Variants in AUH observed in about 807,000 individuals in gnomAD.
AUH encodes the protein AU RNA binding methylglutaconyl-CoA hydratase.
AUH carries 29 observed loss-of-function variants against 42.3 expected under a neutral mutation model. The ratio of observed to expected loss-of-function variants is 0.69; its 90% CI spans 0.51 to 0.93. AUH has a LOEUF of 0.93. Among genes scored for constraint, AUH ranks in the 40% least tolerant of loss-of-function variants. The pLI is 0.00. For missense variants in AUH, 452 were observed against 438.1 expected, an observed-to-expected ratio of 1.03 and a Z score of -0.28; for synonymous variants, 174 against 166.4, an observed-to-expected ratio of 1.05 and a Z score of -0.35.
At chr9:91,275,737 A>C (rs184281842) in intron 6 of AUH, among the ~76,000 whole-genome samples, 1 of 152,222 alleles carries the variant, frequency 6.6e-6, no homozygotes, top group Admixed American at 6.5e-5. Flanking sequence ...TTTCTCTGCC[A>C]CTGAAATGCT....
At chr9:91,216,156 T>A (rs377504364) in intron 8 of AUH, 50 bp from the exon 9 acceptor site, 1 of 1,538,620 alleles carries the variant, frequency 6.5e-7, no homozygotes, top group Non-Finnish European at 9.0e-7. Flanking sequence ...TTGCGAAATG[T>A]GGTATATTCA....
intron 6 of AUH, among the ~76,000 whole-genome samples, chr9:91,267,066 A>AG (rs35068147): frequency 6.6e-6 from 1 of 152,178 alleles, no homozygotes; most frequent in African/African-American, 2.4e-5. Context: ...GATGGCAGAA[A>AG]GGGAAGTGTC....
intron 4 of AUH, chr9:91,306,287 T>G (rs1457819002): frequency 1.1e-6 from 1 of 875,678 alleles, no homozygotes; most frequent in African/African-American, 1.8e-5. Flanking sequence ...GGCAGGGAAG[T>G]CCATGCCCAT....
intron 8 of AUH, 93 bp downstream of exon 8, chr9:91,217,184 C>T: frequency 7.4e-7 from 1 of 1,355,134 alleles, no homozygotes; most frequent in Non-Finnish European, 1.0e-6. Flanking sequence ...TATTTTAGAA[C>T]TTTAAAAAAA....
intron 4 of AUH, among the ~76,000 whole-genome samples, chr9:91,298,811 T>C (rs1766443441): frequency 6.6e-6 from 1 of 152,232 alleles, no homozygotes; most frequent in African/African-American, 2.4e-5. Context: ...GTTCAAAAAG[T>C]GACTGGTTTT....
At chr9:91,300,757 C>T (rs1827722244) in intron 4 of AUH, among the ~76,000 whole-genome samples, 1 of 152,164 alleles carries the variant, frequency 6.6e-6, no homozygotes, top group South Asian at 2.1e-4. Flanking sequence ...TATTCTGTTC[C>T]AGCCCCAAAC....
chr9:91,361,585 C>T, intron 1 of AUH, 43 bp downstream of exon 1: 1 of 1,554,570 alleles, frequency 6.4e-7, no homozygotes, highest in Non-Finnish European at 8.7e-7. Flanking sequence ...TGAGAGCGAG[C>T]GGCCGCCCGC....
intron 6 of AUH, among the ~76,000 whole-genome samples, chr9:91,238,446 A>C (rs1431383171): frequency 1.3e-5 from 2 of 152,198 alleles, no homozygotes; most frequent in Non-Finnish European, 2.9e-5. Context: ...AGGCTGGGAA[A>C]TGTAGTTTCC....
intron 2 of AUH, 50 bp downstream of exon 2, chr9:91,356,038 C>T: frequency 1.3e-6 from 2 of 1,591,592 alleles, no homozygotes; most frequent in Non-Finnish European, 1.7e-6. Context: ...ACATTGATGA[C>T]AATAATATAT....
intron 6 of AUH, among the ~76,000 whole-genome samples, chr9:91,223,725 A>T (rs1165984617): frequency 4.6e-5 from 7 of 152,002 alleles, no homozygotes; most frequent in African/African-American, 1.4e-4. Flanking sequence ...ACCCTCACCA[A>T]CACTTACTAT....
At chr9:91,318,402 T>C (rs1402566598) in intron 4 of AUH, among the ~76,000 whole-genome samples, 1 of 152,220 alleles carries the variant, frequency 6.6e-6, no homozygotes, top group African/African-American at 2.4e-5. Context: ...CTTTTGTCTC[T>C]AAATACAGCC....
chr9:91,265,226 T>G (rs1829906564), intron 6 of AUH, among the ~76,000 whole-genome samples: 1 of 152,076 alleles, frequency 6.6e-6, no homozygotes, highest in Non-Finnish European at 1.5e-5. Context: ...CTAGCTTCAT[T>G]AAGTCAAATG....
chr9:91,338,229 C>T (rs1390326119), intron 3 of AUH, among the ~76,000 whole-genome samples: 1 of 152,216 alleles, frequency 6.6e-6, no homozygotes, highest in Non-Finnish European at 1.5e-5. Flanking sequence ...TGTCCAGCGT[C>T]TCAGCCCCTC....
chr9:91,328,188 C>T (rs1342183790), intron 3 of AUH, among the ~76,000 whole-genome samples: 3 of 152,200 alleles, frequency 2.0e-5, no homozygotes, highest in African/African-American at 4.8e-5. Context: ...GGGGACATCA[C>T]TCACTCCAGC....
chr9:91,249,967 G>C (rs997950546), intron 6 of AUH, among the ~76,000 whole-genome samples: 1 of 150,184 alleles, frequency 6.7e-6, no homozygotes, highest in African/African-American at 2.5e-5. Context: ...AGCTGAGATA[G>C]TGCCCCTGCA....
In AUH at chr9:91,218,501, T is replaced by C. The variant is rs76545876; in HGVS notation, c.844-1174A>G. The stretch of plus-strand genomic sequence containing the variant: ...CCCATCCTCCTTGTTAAAATGCAGA[T>C]GTGGACTCAGTGGGTCTGAGATGGG... On this transcript the variant is annotated intron_variant, in intron 7 of 9. Transcript: ENST00000375731. 683 of 490,818 alleles carry C rather than the reference T, an allele frequency of 1.4e-3. 7 individuals are homozygous for C. The highest frequency in any genetic ancestry group is 0.014 in the African/African-American group (642 of 47,546). The allele number at this position is 490,818 out of a possible 1,614,324, so 30.4% of individuals were successfully genotyped here. A position where few individuals can be genotyped will look rare whatever the true frequency, so the allele number is the denominator to read the frequency against.
intron 6 of AUH, among the ~76,000 whole-genome samples, chr9:91,291,992 T>C (rs958011518): frequency 1.1e-4 from 16 of 150,548 alleles, no homozygotes; most frequent in African/African-American, 3.9e-4. Context: ...AAATGAAGTC[T>C]ACTTTTTGAA....
intron 5 of AUH, 130 bp downstream of exon 5, chr9:91,297,854 G>T: frequency 1.3e-6 from 1 of 797,406 alleles, no homozygotes; most frequent in South Asian, 1.5e-5. Context: ...ACACCATTAG[G>T]ACCAACAAGT....
At chr9:91,219,066 A>G (rs1244928492) in intron 7 of AUH, 1 of 981,568 alleles carries the variant, frequency 1.0e-6, no homozygotes, top group African/African-American at 1.7e-5. Context: ...GTAACCACAC[A>G]ATGGGATGCG....
Sources: gnomAD v4.1 joint callset for allele counts (sites outside exome capture counted in the v4.1 genomes callset) on GRCh38, gnomAD v4.1.1 for gene constraint, MANE v1.5 for transcripts, NCBI Gene and HGNC (gene_info 2026-07-23, HGNC 2026-07-21) for gene names.